The following SPINDOC variants were observed in gnomAD, a reference collection of about 807,000 sequenced individuals.
The protein encoded by SPINDOC is spindlin interactor and repressor of chromatin binding.
SPINDOC carries 13 observed loss-of-function variants against 30.7 expected under a neutral mutation model. The ratio of observed to expected loss-of-function variants is 0.42; its 90% CI spans 0.28 to 0.67. SPINDOC has a LOEUF of 0.67. SPINDOC is among the 30% of genes least tolerant of loss of function. The probability of loss-of-function intolerance (pLI) is 0.22; values close to 1 mark genes in which losing one functional copy is unlikely to be tolerated. For missense variants in SPINDOC, 438 were observed against 518.0 expected (o/e 0.85, Z 1.50); for synonymous variants, 228 against 211.4 (o/e 1.08, Z -0.68).
In SPINDOC at chr11:63,818,505, A is replaced by T. The variant is rs1301958730; in HGVS notation, c.608-22A>T. 2 of 1,610,000 alleles carry T rather than the reference A, an allele frequency of 1.2e-6. No individual in the cohort carries two copies. Among genetic ancestry groups the T allele is most frequent in the East Asian group, 2.2e-5 (1 of 44,874 alleles). ...TCGGGGATGGCCTCTTTAAAAGGGT[A>T]TGAGGTCTTTTCTTTTTGCAGCTGT... On this transcript the variant is annotated intron_variant, in intron 3 of 5. Transcript: ENST00000294244. The surrounding 1 kb of genome is among the most constrained non-coding windows in gnomAD (Gnocchi z 5.3).
chr11:63,827,148 T>G lies in SPINDOC; in HGVS notation c.*9T>G, dbSNP rs1447080455. ...AAGGGAATGGAGTGTAAATTCTTGC[T>G]TTCCTGGGGAGGGAGGGAGGGATGA... On this transcript the variant is annotated 3_prime_UTR_variant, in exon 6 of 6. Coordinates refer to ENST00000294244, the MANE Select transcript of SPINDOC (RefSeq NM_138471.3). The G allele has an allele frequency of 6.2e-7, 1 of 1,612,942 alleles. No individual in the cohort carries two copies. The highest frequency in any genetic ancestry group is 8.5e-7 in the Non-Finnish European group (1 of 1,179,406).
intron 5 of SPINDOC, among the ~76,000 whole-genome samples, chr11:63,820,124 G>C (rs1452397831): frequency 6.6e-6 from 1 of 152,144 alleles, no homozygotes; most frequent in African/African-American, 2.4e-5. Flanking sequence ...AAGGCAAGTC[G>C]TGGTGGCTCA....
rs1031068099 is a variant in SPINDOC at position 63,815,860 on chromosome 11, C to A, written c.128-1945C>A. Among the ~76,000 whole-genome samples, 2 of 152,154 alleles carry A rather than the reference C, an allele frequency of 1.3e-5. 1 individual carries two copies. The highest frequency in any genetic ancestry group is 4.1e-4 in the South Asian group (2 of 4,824). On this transcript the variant is annotated intron_variant, in intron 1 of 5. Transcript: ENST00000294244. ...TCGGCTCACTGCAACCTTCGCCTCC[C>A]GGGTTCAAGTGATTCTTCTGCCTCA... is the stretch of plus-strand genomic sequence containing the variant.
At chr11:63,815,551 T>G (rs1018172395) in intron 1 of SPINDOC, among the ~76,000 whole-genome samples, 5 of 152,190 alleles carry the variant, frequency 3.3e-5, no homozygotes, top group African/African-American at 1.2e-4. Flanking sequence ...AGTATCTAGC[T>G]AGTGGCGTAA....
intron 1 of SPINDOC, among the ~76,000 whole-genome samples, chr11:63,817,036 G>T (rs1031398240): frequency 2.6e-5 from 4 of 152,022 alleles, no homozygotes; most frequent in Non-Finnish European, 5.9e-5. Context: ...AATTAGCTGG[G>T]TGTGATAGCA....
chr11:63,815,071 G>T (rs1466519865), intron 1 of SPINDOC, among the ~76,000 whole-genome samples: 1 of 152,226 alleles, frequency 6.6e-6, no homozygotes, highest in East Asian at 1.9e-4. Flanking sequence ...TAAAGACAGA[G>T]AAATAGGTTC....
At chr11:63,823,039 T>G in intron 5 of SPINDOC, 1 of 1,064,958 alleles carries the variant, frequency 9.4e-7, no homozygotes, top group Non-Finnish European at 1.3e-6. Flanking sequence ...GATACCTCAC[T>G]GGTACACAAG....
chr11:63,818,541 G>C lies in SPINDOC; in HGVS notation c.622G>C (p.Glu208Gln), dbSNP rs1403020727. The C allele has an allele frequency of 6.2e-7, 1 of 1,612,740 alleles. No individual in the cohort carries two copies. The highest frequency in any genetic ancestry group is 8.5e-7 in the Non-Finnish European group (1 of 1,180,016). ...TCTTTTTGCAGCTGTCCCTGCCACA[G>C]AGCCAGGAAATAAGAAGCCCCGTGG... ...PLELPAVPATEPGNKKPRGQR... is the reference protein window; with the variant it reads ...PLELPAVPATQPGNKKPRGQR... Residue 208 changes from glutamate (E) to glutamine (Q), a missense_variant, in exon 4 of 6, where the codon GAG becomes CAG. Glu to Gln is a conservative substitution (Grantham distance 29, BLOSUM62 2). Coordinates refer to ENST00000294244, the MANE Select transcript of SPINDOC (RefSeq NM_138471.3). This position sits in a 1 kb window ranked among gnomAD's most constrained non-coding sequence, Gnocchi z 5.3.
intron 5 of SPINDOC, 39 bp from the exon 6 acceptor site, chr11:63,826,887 CTG>C (rs1491128770): frequency 1.2e-5 from 12 of 1,014,472 alleles, no homozygotes; most frequent in Non-Finnish European, 1.9e-5. Flanking sequence ...GGTGGGGTGT[CTG>C]GGGGGCTCTG....
chr11:63,822,177 TAGA>T (rs2015539134), intron 5 of SPINDOC, among the ~76,000 whole-genome samples: 2 of 151,818 alleles, frequency 1.3e-5, no homozygotes, highest in African/African-American at 4.8e-5. Flanking sequence ...ACTCCATCTC[TAGA>T]AAAATTTTTT....
intron 5 of SPINDOC, chr11:63,823,267 C>T (rs905791302): frequency 1.1e-5 from 14 of 1,277,454 alleles, no homozygotes; most frequent in Non-Finnish European, 1.4e-5. Context: ...TCTCAGAAAC[C>T]TGTGAGGCTT....
intron 1 of SPINDOC, among the ~76,000 whole-genome samples, chr11:63,817,539 C>T (rs2015374090): frequency 2.0e-5 from 3 of 152,016 alleles, no homozygotes; most frequent in Admixed American, 6.6e-5. Flanking sequence ...AAGAATGCAG[C>T]CTGTTGGGAA....
chr11:63,813,711 G>T lies in SPINDOC; in HGVS notation c.25G>T (p.Ala9Ser), dbSNP rs758507722. The change falls in exon 1 of 6, where the codon GCA (alanine) becomes TCA (serine). Residue 9 changes from alanine (A) to serine (S), a missense_variant. Physicochemically the swap from Ala to Ser is moderately conservative, Grantham distance 99. Coordinates refer to ENST00000294244, the MANE Select transcript of SPINDOC (RefSeq NM_138471.3). ...CATGGCCCTAAAGGCCGAGGGCGCC[G>T]CACTCGACTGCTTCGAGGTGACGCT... Reference protein sequence around the residue: MALKAEGAALDCFEVTLKC... With the variant: MALKAEGASLDCFEVTLKC... 4.4e-6 allele frequency: 7 copies of T among 1,586,416 alleles called. No homozygotes were observed. The East Asian group carries it at 1.7e-4, about 38-fold the overall frequency.
intron 5 of SPINDOC, among the ~76,000 whole-genome samples, chr11:63,826,637 C>T (rs2015660771): frequency 6.6e-6 from 1 of 152,176 alleles, no homozygotes; most frequent in South Asian, 2.1e-4. Flanking sequence ...GGAAGAGGCA[C>T]GAGCACCAGG....
At chr11:63,816,460 A>G (rs2015341913) in intron 1 of SPINDOC, among the ~76,000 whole-genome samples, 1 of 152,010 alleles carries the variant, frequency 6.6e-6, no homozygotes, top group Non-Finnish European at 1.5e-5. Context: ...TGCAACTGAG[A>G]GGTCATTTCT....
At position 63,818,244 on chromosome 11, in the gene SPINDOC, A is replaced by G. The variant is rs768899066; in HGVS notation, c.486A>G (p.Pro162=). Residue 162 remains proline, a synonymous_variant, in exon 3 of 6, where the codon CCA becomes CCG. Transcript: ENST00000294244. The surrounding 1 kb of genome is among the most constrained non-coding windows in gnomAD (Gnocchi z 5.3). ...SDSGQDAHPD[P]DANPDAARMP... ...CGGGCCAGGATGCCCACCCAGACCC[A>G]GACGCCAACCCAGACGCTGCCAGAA... The G allele has an allele frequency of 5.0e-6, 8 of 1,613,892 alleles. 1 individual carries two copies. In the South Asian group the frequency reaches 8.8e-5, roughly 18 times the overall value.
intron 1 of SPINDOC, among the ~76,000 whole-genome samples, chr11:63,814,472 G>A (rs887021228): frequency 6.6e-6 from 1 of 152,168 alleles, no homozygotes; most frequent in African/African-American, 2.4e-5. Flanking sequence ...GGGGATGGGA[G>A]GAACAATCTC....
At chr11:63,817,589 G>A (rs2015375431) in intron 1 of SPINDOC, among the ~76,000 whole-genome samples, 1 of 152,184 alleles carries the variant, frequency 6.6e-6, no homozygotes, top group Admixed American at 6.6e-5. Flanking sequence ...ACTAGATCAA[G>A]AGGAAGTATA....
chr11:63,814,630 G>A (rs976013759), intron 1 of SPINDOC, among the ~76,000 whole-genome samples: 1 of 152,154 alleles, frequency 6.6e-6, no homozygotes, highest in Non-Finnish European at 1.5e-5. Flanking sequence ...CTTTTCTTAG[G>A]CGGGATAGTA....
Sources: gnomAD v4.1 joint callset for allele counts (sites outside exome capture counted in the v4.1 genomes callset) on GRCh38, gnomAD v4.1.1 for gene constraint, Gnocchi (gnomAD v3.1) non-coding constraint, MANE v1.5 for transcripts, NCBI Gene and HGNC (gene_info 2026-07-23, HGNC 2026-07-21) for gene names.